DLX5: variants seen among roughly 807,000 people sequenced by gnomAD.
DLX5 encodes the protein homeobox protein DLX-5.
A neutral mutation model predicts 27.1 loss-of-function variants in DLX5; 8 were observed. The ratio of observed to expected loss-of-function variants is 0.30; its 90% CI spans 0.17 to 0.53. The LOEUF (loss-of-function observed/expected upper bound fraction) is 0.53. Ranked by LOEUF, DLX5 falls within the 20% of genes least tolerant of loss-of-function variation. DLX5 has a pLI of 0.95. For missense variants in DLX5, 339 were observed against 375.1 expected (o/e 0.90, Z 0.80); for synonymous variants, 178 against 161.9 (o/e 1.10, Z -0.75).
chr7:97,021,479 G>A (rs1267173246), intron 2 of DLX5, among the ~76,000 whole-genome samples: 2 of 152,220 alleles, frequency 1.3e-5, no homozygotes, highest in South Asian at 2.1e-4. Context: ...CGGGCTACGC[G>A]CGCCTGTGGT....
At chr7:97,021,762 G>A (rs1340305414) in intron 2 of DLX5, among the ~76,000 whole-genome samples, 1 of 152,164 alleles carries the variant, frequency 6.6e-6, no homozygotes, top group East Asian at 1.9e-4. Context: ...TCCGCTCCAG[G>A]CGACGTTCTC....
Position 97,020,699 on chromosome 7 carries a change from G to GCT in DLX5, c.*36_*37insAG, listed in dbSNP as rs776445505. On this transcript the variant is annotated 3_prime_UTR_variant, in exon 3 of 3. Transcript: ENST00000648378. ...TGATTTTCTAGAACAGCAAAACACAGTAGTCCCAAAAAAGAGAGTAAGAGA... is the reference window on the plus strand; with the variant it reads ...TGATTTTCTAGAACAGCAAAACACAGCTTAGTCCCAAAAAAGAGAGTAAGAGA... 6.7e-7 allele frequency: 1 copy of GCT among 1,499,158 alleles called. No individual in the cohort carries two copies. The highest frequency in any genetic ancestry group is 1.4e-5 in the African/African-American group (1 of 71,634). 92.9% of individuals were successfully genotyped at this position (1,499,158 alleles called of 1,614,324 possible). A position where few individuals can be genotyped will look rare whatever the true frequency, so the allele number is the denominator to read the frequency against.
In DLX5 at chr7:97,024,271, G is replaced by A; in HGVS notation, c.353C>T (p.Pro118Leu). 6.2e-7 allele frequency: 1 copy of A among 1,612,814 alleles called. No homozygotes were observed. Among genetic ancestry groups the A allele is most frequent in the Non-Finnish European group, 8.5e-7 (1 of 1,179,138 alleles). Reference protein sequence around the residue: ...YNRVPSATNQPEKEVTEPEVR... With the variant: ...YNRVPSATNQLEKEVTEPEVR... ...CAGCCTTCCCCCTGTCCATGTACCT[G>A]GCTGGTTGGTGGCGCTTGGGACGCG... The change falls in exon 1 of 3, where the codon CCA (proline) becomes CTA (leucine). Residue 118 changes from proline to leucine, a missense_variant and splice_region_variant. Pro to Leu is a moderately conservative substitution (Grantham distance 98). Coordinates refer to ENST00000648378, the MANE Select transcript of DLX5 (RefSeq NM_005221.6). This position sits in a 1 kb window ranked among gnomAD's most constrained non-coding sequence, Gnocchi z 4.6.
chr7:97,023,096 C>T (rs1790110000), intron 1 of DLX5, among the ~76,000 whole-genome samples: 2 of 151,398 alleles, frequency 1.3e-5, no homozygotes, highest in Non-Finnish European at 1.5e-5. Context: ...AACGTAGACA[C>T]CTCAACCCGG....
rs373248990 is a variant in DLX5 at position 97,022,170 on chromosome 7, C to A, written c.540+15G>T. The A allele has an allele frequency of 7.3e-5, 118 of 1,613,822 alleles. No homozygotes were observed. Among genetic ancestry groups the A allele is most frequent in the Non-Finnish European group, 9.6e-5 (113 of 1,180,048 alleles). ...CAGCTCAGGCAGGTCTAGTGCATGG[C>A]AGCGCCGTATTTACCTGTGTTTGTG... On this transcript the variant is annotated intron_variant, in intron 2 of 2. Coordinates refer to ENST00000648378, the MANE Select transcript of DLX5 (RefSeq NM_005221.6).
chr7:97,023,742 C>A lies in DLX5; in HGVS notation c.355+527G>T, dbSNP rs148422652. Among the ~76,000 whole-genome samples, 1,091 of 152,250 alleles carry A rather than the reference C, an allele frequency of 7.2e-3. 6 individuals are homozygous for A. Among genetic ancestry groups the A allele is most frequent in the Middle Eastern group, 0.024 (7 of 294 alleles). On this transcript the variant is annotated intron_variant, in intron 1 of 2. Transcript: ENST00000648378. ...CGCAAAACTCTCGGCGCGCTCTTCT[C>A]TGGCTGGCTACAACTCCTTAACCCC...
rs61753628 is a variant in DLX5 at position 97,024,372 on chromosome 7, G to A, written c.252C>T (p.Ala84=). The change falls in exon 1 of 3, where the codon GCC becomes GCT. Residue 84 remains alanine (A), a synonymous_variant. Coordinates refer to ENST00000648378, the MANE Select transcript of DLX5 (RefSeq NM_005221.6). The surrounding 1 kb of genome is among the most constrained non-coding windows in gnomAD (Gnocchi z 4.6). ...CATAAGCTTTGGCTGGGTAGCTCCC[G>A]GCGGAGCCGTTCACGCCGTGATACT... is the stretch of plus-strand genomic sequence containing the variant. The part of the protein sequence containing the change: ...QYQYHGVNGS[A]GSYPAKAYAD... 1.9e-6 allele frequency: 3 copies of A among 1,614,248 alleles called. No homozygotes were observed. The highest frequency in any genetic ancestry group is 2.7e-5 in the African/African-American group (2 of 75,072).
intron 1 of DLX5, among the ~76,000 whole-genome samples, chr7:97,023,197 A>T (rs1408385092): frequency 1.4e-5 from 2 of 147,430 alleles, no homozygotes; most frequent in East Asian, 4.2e-4. Flanking sequence ...GGTCAGGATG[A>T]GATTCTCACT....
At chr7:97,022,088 A>T in intron 2 of DLX5, 97 bp downstream of exon 2, 2 of 1,416,030 alleles carry the variant, frequency 1.4e-6, no homozygotes, top group Non-Finnish European at 2.0e-6. Context: ...TCTCACGGGT[A>T]CTGTCAAAAC....
Position 97,020,661 on chromosome 7 carries a change from ATTCCT to A in DLX5, c.*70_*74del, listed in dbSNP as rs1268419218. 2.2e-6 allele frequency: 3 copies of A among 1,392,524 alleles called. No individual in the cohort carries two copies. The highest frequency in any genetic ancestry group is 1.9e-6 in the Non-Finnish European group (2 of 1,045,244). The allele number at this position is 1,392,524 out of a possible 1,614,324, so 86.3% of individuals were successfully genotyped here. A position where few individuals can be genotyped will look rare whatever the true frequency, so the allele number is the denominator to read the frequency against. On this transcript the variant is annotated 3_prime_UTR_variant, in exon 3 of 3. Coordinates refer to ENST00000648378, the MANE Select transcript of DLX5 (RefSeq NM_005221.6). Reference sequence around the variant, plus strand: ...CAGTTTTCCGAACTTCCCCATATGAATTCCTTTCTTTATGATTTTCTAGAACAGCA... The same window carrying A: ...CAGTTTTCCGAACTTCCCCATATGAATTCTTTATGATTTTCTAGAACAGCA...
At position 97,024,457 on chromosome 7, in the gene DLX5, T is replaced by G. The variant is rs766476023; in HGVS notation, c.167A>C (p.His56Pro). ...AGCCGAGGTAGGAGAGCAGTAGCCG[T>G]GCGGGGCTCCCCCCGTAGGGCTGTA... ...DYYSPTGGAP[H>P]GYCSPTSASY... The change falls in exon 1 of 3, where the codon CAC becomes CCC. Residue 56 changes from histidine to proline, a missense_variant. Physicochemically the swap from His to Pro is moderately conservative, Grantham distance 77 (BLOSUM62 -2). Coordinates refer to ENST00000648378, the MANE Select transcript of DLX5 (RefSeq NM_005221.6). This position sits in a 1 kb window ranked among gnomAD's most constrained non-coding sequence, Gnocchi z 4.6. The G allele has an allele frequency of 6.2e-7, 1 of 1,614,178 alleles. No individual in the cohort carries two copies. The highest frequency in any genetic ancestry group is 8.5e-7 in the Non-Finnish European group (1 of 1,180,032).
Position 97,024,675 on chromosome 7 carries a change from G to T in DLX5, c.-52C>A. On this transcript the variant is annotated 5_prime_UTR_variant, in exon 1 of 3. Coordinates refer to ENST00000648378, the MANE Select transcript of DLX5 (RefSeq NM_005221.6). The surrounding 1 kb of genome is among the most constrained non-coding windows in gnomAD (Gnocchi z 4.6). The stretch of plus-strand genomic sequence containing the variant: ...CCTTGCTGTTGTGGCGGCGGCAGCT[G>T]CCCTAGTTGGCTGTGGGGCTGCTCT... The T allele has an allele frequency of 6.7e-7, 1 of 1,494,790 alleles. No homozygotes were observed. Among genetic ancestry groups the T allele is most frequent in the Non-Finnish European group, 9.1e-7 (1 of 1,098,034 alleles). The allele number at this position is 1,494,790 out of a possible 1,614,324, so 92.6% of individuals were successfully genotyped here.
chr7:97,022,356 G>A lies in DLX5; in HGVS notation c.369C>T (p.Thr123=). 1 of 1,613,946 alleles carries A rather than the reference G, an allele frequency of 6.2e-7. No homozygotes were observed. Among genetic ancestry groups the A allele is most frequent in the Non-Finnish European group, 8.5e-7 (1 of 1,180,036 alleles). Residue 123 remains threonine (T), a synonymous_variant, in exon 2 of 3, where the codon ACC becomes ACT. Coordinates refer to ENST00000648378, the MANE Select transcript of DLX5 (RefSeq NM_005221.6). ...CATTCACCATTCTCACCTCGGGCTC[G>A]GTCACTTCTTTCTCTAAATAATCAA... is the stretch of plus-strand genomic sequence containing the variant. ...SATNQPEKEV[T]EPEVRMVNGK...
chr7:97,021,472 G>A (rs1355911769), intron 2 of DLX5, among the ~76,000 whole-genome samples: 1 of 152,226 alleles, frequency 6.6e-6, no homozygotes, highest in Non-Finnish European at 1.5e-5. Flanking sequence ...CGTGGGGCGG[G>A]CTACGCGCGC....
rs954205696 is a variant in DLX5, at chr7:97,024,777, C to A, written c.-154G>T. ...GGAGAGAAGGAGGAGGCGGCGGCCG[C>A]GGCGAGGAGGAGACTGGGAGTCGTG... On this transcript the variant is annotated 5_prime_UTR_variant, in exon 1 of 3. Coordinates refer to ENST00000648378, the MANE Select transcript of DLX5 (RefSeq NM_005221.6). This position sits in a 1 kb window ranked among gnomAD's most constrained non-coding sequence, Gnocchi z 4.6. The A allele has an allele frequency of 8.5e-5, 56 of 660,638 alleles. No homozygotes were observed. The Admixed American group carries it at 1.7e-3, about 20-fold the overall frequency. The allele number at this position is 660,638 out of a possible 1,614,324, so 40.9% of individuals were successfully genotyped here. A position where few individuals can be genotyped will look rare whatever the true frequency, so the allele number is the denominator to read the frequency against.
chr7:97,022,418 C>T (rs747164965), intron 1 of DLX5, 49 bp from the exon 2 acceptor site: 3 of 1,605,308 alleles, frequency 1.9e-6, no homozygotes, highest in South Asian at 1.1e-5. Context: ...AGACAATGCC[C>T]CTTTTGCGGA....
intron 2 of DLX5, 148 bp downstream of exon 2, chr7:97,022,037 G>A (rs1790077538): frequency 7.7e-6 from 7 of 909,324 alleles, no homozygotes; most frequent in Non-Finnish European, 1.2e-5. Context: ...CTGACTCACC[G>A]AGTTAAAGCA....
chr7:97,024,523 G>A lies in DLX5; in HGVS notation c.101C>T (p.Ser34Leu). The A allele has an allele frequency of 6.2e-7, 1 of 1,614,242 alleles. No individual in the cohort carries two copies. Among genetic ancestry groups the A allele is most frequent in the South Asian group, 1.1e-5 (1 of 91,088 alleles). ...SAAMHHPSQE[S>L]PTLPESSATD... ...AGCTGAAGACTCGGGCAAAGTTGGC[G>A]ATTCCTGAGACGGATGGTGCATAGC... The change falls in exon 1 of 3, where the codon TCG becomes TTG. Residue 34 changes from serine to leucine, a missense_variant. Ser to Leu is a moderately radical substitution (Grantham distance 145, BLOSUM62 -2). Around this residue, in one of 3 missense-constraint regions of DLX5, gnomAD observed 188 missense variants for 206.1 expected, o/e 0.91. Transcript: ENST00000648378. The surrounding 1 kb of genome is among the most constrained non-coding windows in gnomAD (Gnocchi z 4.6).
intron 1 of DLX5, 87 bp from the exon 2 acceptor site, chr7:97,022,456 C>T: frequency 6.3e-7 from 1 of 1,576,410 alleles, no homozygotes; most frequent in African/African-American, 1.3e-5. Flanking sequence ...CCTAGAGTTT[C>T]TTACCACTCA....
Sources: gnomAD v4.1 joint callset for allele counts (sites outside exome capture counted in the v4.1 genomes callset) on GRCh38, gnomAD v4.1.1 for gene constraint, gnomAD v4.1.1 regional missense constraint, Gnocchi (gnomAD v3.1) non-coding constraint, MANE v1.5 for transcripts, NCBI Gene and HGNC (gene_info 2026-07-23, HGNC 2026-07-21) for gene names.